The following CDK19 variants were observed in gnomAD, a reference collection of about 807,000 sequenced individuals.
The protein encoded by CDK19 is cyclin-dependent kinase 19.
Under a neutral mutation model 68.3 loss-of-function variants are expected in CDK19, and 20 were observed. The ratio of observed to expected loss-of-function variants is 0.29; its 90% confidence interval spans 0.21 to 0.43. The LOEUF is 0.43. Ranked by LOEUF, CDK19 falls within the 20% of genes least tolerant of loss-of-function variation. The probability of loss-of-function intolerance (pLI) is 1.00; values close to 1 mark genes in which losing one functional copy is unlikely to be tolerated. For missense variants in CDK19, 339 were observed against 623.5 expected, an observed-to-expected ratio of 0.54 and a Z score of 4.86; for synonymous variants, 221 against 222.8, an observed-to-expected ratio of 0.99 and a Z score of 0.07.
intron 12 of CDK19, 81 bp from the exon 13 acceptor site, chr6:110,614,747 T>A (rs772453929): frequency 8.4e-6 from 12 of 1,422,572 alleles, no homozygotes; most frequent in Non-Finnish European, 1.2e-5. Context: ...AGGATAGAGA[T>A]ATAAGCCGTT....
chr6:110,761,988 C>A (rs948709019), intron 1 of CDK19, among the ~76,000 whole-genome samples: 2 of 152,120 alleles, frequency 1.3e-5, no homozygotes, highest in Admixed American at 6.5e-5. Flanking sequence ...TTTGCTCCCT[C>A]AATTACTGCT....
At chr6:110,633,796 C>A (rs780327765) in intron 5 of CDK19, among the ~76,000 whole-genome samples, 3 of 152,176 alleles carry the variant, frequency 2.0e-5, no homozygotes, top group Admixed American at 6.5e-5. Context: ...ATTTTGCTCC[C>A]TATTTCAGAG....
chr6:110,771,930 A>T (rs1354446587), intron 1 of CDK19, among the ~76,000 whole-genome samples: 1 of 152,184 alleles, frequency 6.6e-6, no homozygotes, highest in East Asian at 1.9e-4. Context: ...TCCATTTGAG[A>T]CCACCTCAGC....
Position 110,621,511 on chromosome 6 carries a change from G to A in CDK19, c.1111-141C>T, listed in dbSNP as rs2114620934. ...CACTAGAGTGATGGGGAGGACTGGAGAATGGAGCAGCCAGGGAACACAGTG... is the reference window on the plus strand; with the variant it reads ...CACTAGAGTGATGGGGAGGACTGGAAAATGGAGCAGCCAGGGAACACAGTG... On this transcript the variant is annotated intron_variant, in intron 11 of 12. Transcript: ENST00000368911. The surrounding 1 kb of genome is among the most constrained non-coding windows in gnomAD (Gnocchi z 5.4). 2.5e-6 allele frequency: 2 copies of A among 793,382 alleles called. No homozygotes were observed. The highest frequency in any genetic ancestry group is 5.1e-5 in the East Asian group (2 of 39,412). 49.1% of individuals were successfully genotyped at this position (793,382 alleles called of 1,614,324 possible). A position where few individuals can be genotyped will look rare whatever the true frequency, so the allele number is the denominator to read the frequency against.
At chr6:110,720,357 T>C (rs543212293) in intron 2 of CDK19, among the ~76,000 whole-genome samples, 2 of 152,146 alleles carry the variant, frequency 1.3e-5, no homozygotes, top group Non-Finnish European at 2.9e-5. Context: ...CAATGATTCA[T>C]AGTGGCTCGT....
At chr6:110,736,290 G>A (rs375705968) in intron 2 of CDK19, among the ~76,000 whole-genome samples, 4 of 152,122 alleles carry the variant, frequency 2.6e-5, no homozygotes, top group Middle Eastern at 3.2e-3. Context: ...GAGGTGAGCC[G>A]AGATCACGCC....
intron 2 of CDK19, among the ~76,000 whole-genome samples, chr6:110,683,988 C>A (rs1387803012): frequency 1.3e-5 from 2 of 151,806 alleles, no homozygotes; most frequent in Non-Finnish European, 2.9e-5. Flanking sequence ...AGAATACAGG[C>A]ATGAGCCACC....
chr6:110,764,735 G>C (rs1248927273), intron 1 of CDK19, among the ~76,000 whole-genome samples: 1 of 152,136 alleles, frequency 6.6e-6, no homozygotes, highest in Non-Finnish European at 1.5e-5. Context: ...TGGATCACCT[G>C]AGGTCGGAAG....
Position 110,611,599 on chromosome 6 carries a change from A to G in CDK19, c.*2936T>C, listed in dbSNP as rs1183899394. The G allele has an allele frequency of 1.3e-5, 2 of 152,314 alleles. No homozygotes were observed. The highest frequency in any genetic ancestry group is 2.9e-5 in the Non-Finnish European group (2 of 68,128). The allele number at this position is 152,314 out of a possible 1,614,324, so 9.4% of individuals were successfully genotyped here. ...TGAGGAATTCAAGACCAGCCTGACCAATAGGGTGAAACCCCATCTCTACTA... is the reference window on the plus strand; with the variant it reads ...TGAGGAATTCAAGACCAGCCTGACCGATAGGGTGAAACCCCATCTCTACTA... On this transcript the variant is annotated 3_prime_UTR_variant, in exon 13 of 13. Transcript: ENST00000368911.
intron 2 of CDK19, among the ~76,000 whole-genome samples, chr6:110,685,379 C>T (rs533415069): frequency 6.6e-6 from 1 of 152,168 alleles, no homozygotes; most frequent in Non-Finnish European, 1.5e-5. Context: ...TCTAAGAGGC[C>T]TTCCCTGAAA....
At chr6:110,780,532 T>G (rs1169943966) in intron 1 of CDK19, among the ~76,000 whole-genome samples, 1 of 152,120 alleles carries the variant, frequency 6.6e-6, no homozygotes, top group Non-Finnish European at 1.5e-5. Flanking sequence ...TTAAACTTCC[T>G]AACAAAATAC....
chr6:110,755,688 G>A (rs921855365), intron 1 of CDK19, among the ~76,000 whole-genome samples: 2 of 152,160 alleles, frequency 1.3e-5, no homozygotes, highest in Non-Finnish European at 2.9e-5. Context: ...CAAGAAAAGA[G>A]CAAAGCAGAC....
At chr6:110,626,970 A>C (rs775176939) in intron 7 of CDK19, 32 bp downstream of exon 7, 1 of 1,572,794 alleles carries the variant, frequency 6.4e-7, no homozygotes, top group Non-Finnish European at 8.6e-7. Flanking sequence ...AATATGACTC[A>C]AAATATGACT....
chr6:110,645,444 T>C (rs1292063006), intron 4 of CDK19, among the ~76,000 whole-genome samples: 1 of 152,240 alleles, frequency 6.6e-6, no homozygotes, highest in African/African-American at 2.4e-5. Context: ...GCCTTAAATA[T>C]GTTAGGAAGA....
chr6:110,747,237 T>C (rs1474143335), intron 1 of CDK19, among the ~76,000 whole-genome samples: 1 of 152,212 alleles, frequency 6.6e-6, no homozygotes, highest in Non-Finnish European at 1.5e-5. Context: ...TAGGATGTTA[T>C]TCAAAATCCA....
At chr6:110,802,383 G>A (rs1023050176) in intron 1 of CDK19, among the ~76,000 whole-genome samples, 4 of 152,070 alleles carry the variant, frequency 2.6e-5, no homozygotes, top group African/African-American at 9.7e-5. Context: ...CAGCAACATG[G>A]GTTGGGCTGG....
At chr6:110,659,230 T>C (rs1311152314) in intron 4 of CDK19, among the ~76,000 whole-genome samples, 2 of 152,254 alleles carry the variant, frequency 1.3e-5, no homozygotes, top group African/African-American at 2.4e-5. Context: ...AGACAACTTA[T>C]GAAGAGAAGC....
chr6:110,616,650 C>A (rs1474920087), intron 12 of CDK19, among the ~76,000 whole-genome samples: 1 of 149,802 alleles, frequency 6.7e-6, no homozygotes, highest in Non-Finnish European at 1.5e-5. Flanking sequence ...GCCTGGGCGA[C>A]AGAGGGAGAC....
chr6:110,762,582 T>C (rs956069949), intron 1 of CDK19, among the ~76,000 whole-genome samples: 1 of 152,204 alleles, frequency 6.6e-6, no homozygotes, highest in Non-Finnish European at 1.5e-5. Flanking sequence ...TAAGAATATT[T>C]ACCTTATTCA....
Sources: allele counts gnomAD v4.1 joint callset (sites outside exome capture counted in the v4.1 genomes callset), GRCh38; gene constraint gnomAD v4.1.1; non-coding constraint Gnocchi (gnomAD v3.1); transcripts MANE v1.5; gene names NCBI Gene and HGNC (gene_info 2026-07-23, HGNC 2026-07-21).